The following CSMD1 variants were observed in gnomAD, a reference collection of about 807,000 sequenced individuals.
CSMD1 encodes the protein CUB and sushi domain-containing protein 1.
CSMD1 carries 213 observed loss-of-function variants against 417.5 expected under a neutral mutation model. The observed-to-expected ratio is 0.51, with a 90% confidence interval of 0.46 to 0.57. The LOEUF (loss-of-function observed/expected upper bound fraction) is 0.57. Ranked by LOEUF, CSMD1 falls within the 20% of genes least tolerant of loss-of-function variation. The pLI, the probability that CSMD1 is intolerant of heterozygous loss-of-function variation, is 0.00. For synonymous variants in CSMD1, 2,862 were observed against 1,736.8 expected, an observed-to-expected ratio of 1.65 and a Z score of -16.11; for missense variants, 6,923 against 4,529.7, an observed-to-expected ratio of 1.53 and a Z score of -15.17.
intron 3 of CSMD1, among the ~76,000 whole-genome samples, chr8:4,032,539 C>A (rs1797402762): frequency 1.3e-5 from 2 of 152,144 alleles, no homozygotes; most frequent in Admixed American, 1.3e-4. Flanking sequence ...TTTTATGCTT[C>A]CACGACTGGT....
At chr8:2,962,774 C>A (rs1328632616) in intron 60 of CSMD1, 135 bp from the exon 61 acceptor site, 4 of 871,606 alleles carry the variant, frequency 4.6e-6, no homozygotes, top group East Asian at 2.7e-5. Context: ...GGAGGCCAGG[C>A]ACGGTGGCTC....
In CSMD1 at chr8:3,942,439, C is replaced by T. The variant is rs77920709; in HGVS notation, c.818+55464G>A. On this transcript the variant is annotated intron_variant, in intron 5 of 69. Coordinates refer to ENST00000635120, the MANE Select transcript of CSMD1 (RefSeq NM_033225.6). Reference sequence around the variant, plus strand: ...AAGCATTACATTTATGGTACCTGAACCACACCACACCTGGCCCATTTGACT... The same window carrying T: ...AAGCATTACATTTATGGTACCTGAATCACACCACACCTGGCCCATTTGACT... Among the ~76,000 whole-genome samples, 359 of 152,120 alleles carry T rather than the reference C, an allele frequency of 2.4e-3. 1 individual carries two copies. Among genetic ancestry groups the T allele is most frequent in the Non-Finnish European group, 3.2e-3 (218 of 68,006 alleles).
intron 11 of CSMD1, among the ~76,000 whole-genome samples, chr8:3,493,265 G>C (rs28524597): frequency 0.15 from 20,840 of 139,662 alleles, 1,610 homozygotes; most frequent in Middle Eastern, 0.21. Flanking sequence ...CTGCACTGCA[G>C]CCTGGGTGAT....
chr8:3,442,471 C>T (rs1283314998), intron 12 of CSMD1, among the ~76,000 whole-genome samples: 1 of 152,090 alleles, frequency 6.6e-6, no homozygotes, highest in Non-Finnish European at 1.5e-5. Context: ...TTTACTGTAC[C>T]TTTTGTATGT....
intron 54 of CSMD1, among the ~76,000 whole-genome samples, chr8:2,982,375 G>A (rs1020557270): frequency 6.6e-6 from 1 of 151,856 alleles, no homozygotes; most frequent in Non-Finnish European, 1.5e-5. Context: ...ACAAACAAAC[G>A]AAAAGCAAAT....
chr8:3,181,802 A>G (rs11782484), intron 36 of CSMD1, among the ~76,000 whole-genome samples: 24,557 of 152,164 alleles, frequency 0.16, 2,041 homozygotes, highest in Non-Finnish European at 0.19. Flanking sequence ...GTTCTAGCCT[A>G]CATCACAGTA....
At chr8:4,812,668 T>C (rs1279639784) in intron 1 of CSMD1, among the ~76,000 whole-genome samples, 1 of 152,194 alleles carries the variant, frequency 6.6e-6, no homozygotes, top group African/African-American at 2.4e-5. Flanking sequence ...CTCTATAATT[T>C]AGTCCATTAA....
At chr8:3,363,165 G>A (rs1563312374) in intron 20 of CSMD1, among the ~76,000 whole-genome samples, 1 of 152,104 alleles carries the variant, frequency 6.6e-6, no homozygotes, top group Non-Finnish European at 1.5e-5. Flanking sequence ...CAAATTAGCT[G>A]GCCTGTCCAT....
intron 2 of CSMD1, among the ~76,000 whole-genome samples, chr8:4,445,660 C>A (rs996871479): frequency 6.6e-5 from 10 of 152,124 alleles, no homozygotes; most frequent in Admixed American, 2.0e-4. Flanking sequence ...GTTATTGAAG[C>A]CACTAGAGAA....
At chr8:3,178,948 CT>C (rs11347913) in intron 37 of CSMD1, among the ~76,000 whole-genome samples, 19,555 of 134,828 alleles carry the variant, frequency 0.15, 987 homozygotes, top group African/African-American at 0.22. Context: ...ATCTATATTT[CT>C]TTTTTTTTTT....
intron 5 of CSMD1, among the ~76,000 whole-genome samples, chr8:3,892,740 C>T (rs4875795): frequency 0.59 from 80,074 of 135,780 alleles, 25,159 homozygotes; most frequent in Admixed American, 0.71. Flanking sequence ...TTTTTTGCCA[C>T]TTCTGTGCAT....
intron 50 of CSMD1, among the ~76,000 whole-genome samples, chr8:3,045,174 T>C (rs146326731): frequency 1.3e-5 from 2 of 152,296 alleles, no homozygotes; most frequent in African/African-American, 4.8e-5. Context: ...TTAACATGGA[T>C]TTCCATTTTA....
At chr8:3,446,527 A>G (rs1207187707) in intron 12 of CSMD1, among the ~76,000 whole-genome samples, 1 of 152,184 alleles carries the variant, frequency 6.6e-6, no homozygotes, top group Non-Finnish European at 1.5e-5. Context: ...ACAAAAAGCA[A>G]ACTCAAGGAT....
chr8:3,495,498 G>T (rs565251680), intron 10 of CSMD1, among the ~76,000 whole-genome samples: 1 of 152,224 alleles, frequency 6.6e-6, no homozygotes, highest in African/African-American at 2.4e-5. Flanking sequence ...AAGGTAGACA[G>T]AGAAAGTCTT....
At chr8:3,825,894 A>G (rs1008808992) in intron 5 of CSMD1, among the ~76,000 whole-genome samples, 4 of 152,254 alleles carry the variant, frequency 2.6e-5, no homozygotes. Context: ...CCAAGGTATC[A>G]TGACAAAATC....
chr8:4,067,578 G>A (rs1435648505), intron 3 of CSMD1, among the ~76,000 whole-genome samples: 2 of 151,990 alleles, frequency 1.3e-5, no homozygotes, highest in Non-Finnish European at 2.9e-5. Flanking sequence ...TTCAACAACA[G>A]CATTTTTGTT....
At chr8:4,324,514 T>G (rs1799442203) in intron 3 of CSMD1, among the ~76,000 whole-genome samples, 1 of 152,054 alleles carries the variant, frequency 6.6e-6, no homozygotes, top group African/African-American at 2.4e-5. Flanking sequence ...CAAAAGAGGG[T>G]TCTTCTCCAC....
intron 3 of CSMD1, among the ~76,000 whole-genome samples, chr8:4,182,634 C>T (rs928041897): frequency 3.9e-5 from 6 of 152,078 alleles, no homozygotes; most frequent in South Asian, 2.1e-4. Flanking sequence ...ATCATATATA[C>T]TCATTTTCAG....
chr8:3,899,955 T>C (rs1041416057), intron 5 of CSMD1, among the ~76,000 whole-genome samples: 1 of 152,216 alleles, frequency 6.6e-6, no homozygotes, highest in Non-Finnish European at 1.5e-5. Flanking sequence ...ATGGGAAGGG[T>C]AGTTGCTCTC....
Sources: gnomAD v4.1 joint callset for allele counts (sites outside exome capture counted in the v4.1 genomes callset) on GRCh38, gnomAD v4.1.1 for gene constraint, MANE v1.5 for transcripts, NCBI Gene and HGNC (gene_info 2026-07-23, HGNC 2026-07-21) for gene names.